The following ZNF618 variants were observed in gnomAD, a reference collection of about 807,000 sequenced individuals.
ZNF618 encodes neural precursor cell expressed, developmentally down-regulated 10.
A neutral mutation model predicts 103.0 loss-of-function variants in ZNF618; 34 were observed. That is an observed-to-expected ratio of 0.33 (90% CI 0.25 to 0.44). The LOEUF (loss-of-function observed/expected upper bound fraction) is 0.44. ZNF618 is among the 20% of genes least tolerant of loss of function. ZNF618 has a pLI of 1.00. For synonymous variants in ZNF618, 551 were observed against 542.2 expected, an observed-to-expected ratio of 1.02 and a Z score of -0.23; for missense variants, 1,059 against 1,295.4, an observed-to-expected ratio of 0.82 and a Z score of 2.80.
At chr9:113,959,765 G>A (rs993027135) in intron 1 of ZNF618, among the ~76,000 whole-genome samples, 2 of 152,120 alleles carry the variant, frequency 1.3e-5, no homozygotes, top group African/African-American at 2.4e-5. Context: ...CCACCACCAT[G>A]CCTGGCTAAT....
chr9:113,897,783 TTTTTG>T (rs910181284), intron 1 of ZNF618, among the ~76,000 whole-genome samples: 26 of 152,266 alleles, frequency 1.7e-4, no homozygotes, highest in African/African-American at 4.6e-4. Context: ...TGGATTTCGT[TTTTTG>T]TTTTGTTTTG....
chr9:113,975,717 A>G (rs1236562474), intron 2 of ZNF618, among the ~76,000 whole-genome samples: 1 of 152,146 alleles, frequency 6.6e-6, no homozygotes, highest in Non-Finnish European at 1.5e-5. Context: ...TCTGGCCCTG[A>G]GTGTTTCAGA....
At chr9:113,969,264 T>G in intron 2 of ZNF618, 104 bp downstream of exon 2, 4 of 1,432,498 alleles carry the variant, frequency 2.8e-6, no homozygotes, top group Non-Finnish European at 3.9e-6. Flanking sequence ...GAAGGATGGG[T>G]GGTCCAGGCC....
At chr9:113,951,540 T>TGTACACATATATGTGTATAC (rs1564207937) in intron 1 of ZNF618, among the ~76,000 whole-genome samples, 1 of 47,234 alleles carries the variant, frequency 2.1e-5, no homozygotes, top group African/African-American at 6.0e-5. Context: ...TGTGTGTACA[T>TGTACACATATATGTGTATAC]ATGTACACAT....
rs1554732921 is a variant in ZNF618 at position 113,951,458 on chromosome 9, T to TAC, written c.34-17657_34-17656dup. Among the ~76,000 whole-genome samples the TAC allele has an allele frequency of 6.4e-3, 351 of 54,682 alleles. 29 individuals carry two copies. The highest frequency in any genetic ancestry group is 0.022 in the Middle Eastern group (2 of 92). 35.9% of individuals were successfully genotyped at this position (54,682 alleles called of 152,430 possible). A position where few individuals can be genotyped will look rare whatever the true frequency, so the allele number is the denominator to read the frequency against. ...ATATATATACATATATGTGTATATA[T>TAC]ACATATATGTGTGTATGTGTACACA... On this transcript the variant is annotated intron_variant, in intron 1 of 14. Transcript: ENST00000374126.
rs575227771 is a variant in ZNF618, at chr9:114,038,765, C to G, written c.1246+2388C>G. Among the ~76,000 whole-genome samples the G allele has an allele frequency of 5.9e-5, 9 of 152,294 alleles. No homozygotes were observed. In the South Asian group the frequency reaches 1.9e-3, roughly 32 times the overall value. On this transcript the variant is annotated intron_variant, in intron 13 of 14. Coordinates refer to ENST00000374126, the MANE Select transcript of ZNF618 (RefSeq NM_001318042.2). Reference sequence around the variant, plus strand: ...ACTGAGAGCTTTACGCAGGTTATTTCATCAGATCTTCCTGATTAGGTAGTT... The same window carrying G: ...ACTGAGAGCTTTACGCAGGTTATTTGATCAGATCTTCCTGATTAGGTAGTT...
At chr9:113,930,140 A>G (rs1833443642) in intron 1 of ZNF618, among the ~76,000 whole-genome samples, 1 of 152,174 alleles carries the variant, frequency 6.6e-6, no homozygotes, top group Non-Finnish European at 1.5e-5. Context: ...CGTTGTCTGT[A>G]GGTTCTGAAG....
intron 3 of ZNF618, 95 bp downstream of exon 3, chr9:113,988,675 C>G (rs572067484): frequency 6.9e-7 from 1 of 1,454,462 alleles, no homozygotes; most frequent in Admixed American, 2.3e-5. Flanking sequence ...CTGCCCCCTT[C>G]CTGGCTGAGA....
intron 1 of ZNF618, among the ~76,000 whole-genome samples, chr9:113,895,042 G>T (rs922052901): frequency 6.6e-6 from 1 of 151,986 alleles, no homozygotes; most frequent in Non-Finnish European, 1.5e-5. Flanking sequence ...GGATTCTAGC[G>T]TTTTGTAATC....
intron 1 of ZNF618, among the ~76,000 whole-genome samples, chr9:113,882,513 A>G (rs771893878): frequency 1.3e-5 from 2 of 152,186 alleles, no homozygotes; most frequent in Non-Finnish European, 2.9e-5. Flanking sequence ...AGTCCCACTG[A>G]CAACACTTGG....
intron 10 of ZNF618, among the ~76,000 whole-genome samples, chr9:114,027,176 C>T (rs1234490129): frequency 3.3e-5 from 5 of 152,150 alleles, no homozygotes; most frequent in Non-Finnish European, 5.9e-5. Context: ...CTGAGGCCCT[C>T]GGCTCAGAAA....
At chr9:113,898,191 C>A (rs1830205017) in intron 1 of ZNF618, among the ~76,000 whole-genome samples, 1 of 152,208 alleles carries the variant, frequency 6.6e-6, no homozygotes, top group African/African-American at 2.4e-5. Flanking sequence ...TTTTACTGAG[C>A]ACACAAAGGA....
chr9:113,935,902 T>C (rs541536195), intron 1 of ZNF618, among the ~76,000 whole-genome samples: 1 of 152,308 alleles, frequency 6.6e-6, no homozygotes, highest in Non-Finnish European at 1.5e-5. Flanking sequence ...TTTAGTGTGA[T>C]AATGCGCTTA....
intron 1 of ZNF618, among the ~76,000 whole-genome samples, chr9:113,899,610 C>T (rs1429346909): frequency 1.3e-5 from 2 of 152,278 alleles, no homozygotes; most frequent in East Asian, 3.9e-4. Flanking sequence ...AACCATCACT[C>T]CCCCCACCTC....
At chr9:113,905,449 T>C (rs552842414) in intron 1 of ZNF618, among the ~76,000 whole-genome samples, 2 of 152,338 alleles carry the variant, frequency 1.3e-5, no homozygotes, top group African/African-American at 4.8e-5. Context: ...TTTTTGTAAA[T>C]AAAATTTTAT....
intron 1 of ZNF618, among the ~76,000 whole-genome samples, chr9:113,879,179 G>T (rs549548144): frequency 4.0e-5 from 6 of 151,816 alleles, no homozygotes; most frequent in East Asian, 3.9e-4. Context: ...GGGGTGGAGG[G>T]GGGTAGGGGC....
At chr9:113,970,503 T>A (rs1175454509) in intron 2 of ZNF618, among the ~76,000 whole-genome samples, 1 of 152,122 alleles carries the variant, frequency 6.6e-6, no homozygotes, top group Admixed American at 6.5e-5. Flanking sequence ...GTTTCTCAAC[T>A]CTGCCAGTAT....
intron 1 of ZNF618, among the ~76,000 whole-genome samples, chr9:113,898,341 A>G (rs555071293): frequency 8.4e-4 from 127 of 150,778 alleles, no homozygotes; most frequent in African/African-American, 3.1e-3. Context: ...TGCCTCATTT[A>G]TTCATTCAAA....
intron 6 of ZNF618, among the ~76,000 whole-genome samples, chr9:114,003,997 T>G (rs4979320): frequency 0.32 from 48,686 of 151,988 alleles, 8,719 homozygotes; most frequent in East Asian, 0.61. Context: ...AGACTGTTGC[T>G]TGCCAATCCC....
Sources: allele counts gnomAD v4.1 joint callset (sites outside exome capture counted in the v4.1 genomes callset), GRCh38; gene constraint gnomAD v4.1.1; transcripts MANE v1.5; gene names NCBI Gene and HGNC (gene_info 2026-07-23, HGNC 2026-07-21).